The following EIF4G3 variants were observed in gnomAD, a reference collection of about 807,000 sequenced individuals.
EIF4G3 encodes eIF-4-gamma 3.
A neutral mutation model predicts 186.4 loss-of-function variants in EIF4G3; 34 were observed. The ratio of observed to expected loss-of-function variants is 0.18; its 90% CI spans 0.14 to 0.24. The LOEUF (loss-of-function observed/expected upper bound fraction) is 0.24. EIF4G3 is among the 10% of genes least tolerant of loss of function. The pLI is 1.00. For synonymous variants in EIF4G3, 673 were observed against 679.5 expected (o/e 0.99, Z 0.15); for missense variants, 1,536 against 1,948.5 (o/e 0.79, Z 3.99).
intron 33 of EIF4G3, among the ~76,000 whole-genome samples, chr1:20,818,374 C>T (rs1424347033): frequency 1.3e-5 from 2 of 152,182 alleles, no homozygotes; most frequent in African/African-American, 4.8e-5. Flanking sequence ...CGCAGTGGCT[C>T]ACACCAGTAA....
At chr1:21,140,777 C>G (rs2097324004) in intron 2 of EIF4G3, among the ~76,000 whole-genome samples, 1 of 152,148 alleles carries the variant, frequency 6.6e-6, no homozygotes. Context: ...GAATGAAAAG[C>G]AGTTAATTAC....
chr1:20,977,750 C>T (rs995821647), intron 10 of EIF4G3, among the ~76,000 whole-genome samples: 4 of 152,060 alleles, frequency 2.6e-5, no homozygotes, highest in African/African-American at 7.2e-5. Context: ...TGGTATATAT[C>T]TAATAGAAAT....
intron 2 of EIF4G3, among the ~76,000 whole-genome samples, chr1:21,102,294 T>C (rs1324510469): frequency 6.6e-6 from 1 of 152,114 alleles, no homozygotes; most frequent in African/African-American, 2.4e-5. Flanking sequence ...CCATTAAAAA[T>C]ACAAAAATTA....
At chr1:21,024,738 G>A (rs1402119485) in intron 4 of EIF4G3, among the ~76,000 whole-genome samples, 1 of 149,372 alleles carries the variant, frequency 6.7e-6, no homozygotes, top group Non-Finnish European at 1.5e-5. Flanking sequence ...CAAGTAATCA[G>A]GGACACAAAC....
chr1:20,981,674 GTA>G lies in EIF4G3; in HGVS notation c.199-449_199-448del, dbSNP rs1264168958. ...ATACATACATGTATACGCACATACT[GTA>G]TGTATACATACATGTATACGCACAT... On this transcript the variant is annotated intron_variant, in intron 8 of 36. Transcript: ENST00000602326. Among the ~76,000 whole-genome samples, 169 of 126,172 alleles carry G rather than the reference GTA, an allele frequency of 1.3e-3. 1 individual carries two copies. Among genetic ancestry groups the G allele is most frequent in the Middle Eastern group, 4.7e-3 (1 of 212 alleles). 82.8% of individuals were successfully genotyped at this position (126,172 alleles called of 152,430 possible).
intron 2 of EIF4G3, among the ~76,000 whole-genome samples, chr1:21,118,931 TAAAA>T (rs35040627): frequency 5.8e-5 from 5 of 86,166 alleles, no homozygotes; most frequent in Non-Finnish European, 8.6e-5. Context: ...CAAGCTCTAT[TAAAA>T]AAAAAAAAAA....
chr1:20,968,478 G>C (rs1018093197), intron 12 of EIF4G3, among the ~76,000 whole-genome samples: 1 of 152,114 alleles, frequency 6.6e-6, no homozygotes, highest in Non-Finnish European at 1.5e-5. Context: ...AACGCGCCCG[G>C]CCTTGAAATA....
chr1:21,132,476 C>T lies in EIF4G3; in HGVS notation c.-271-43263G>A, dbSNP rs538345021. 3.9e-5 allele frequency among the ~76,000 whole-genome samples: 6 copies of T among 152,328 alleles called. No homozygotes were observed. The South Asian group carries it at 1.2e-3, about 32-fold the overall frequency. On this transcript the variant is annotated intron_variant, in intron 2 of 36. Coordinates refer to ENST00000602326, the MANE Select transcript of EIF4G3 (RefSeq NM_001391906.1). ...TATTTGTTTTTGAAACAGAGTCTTG[C>T]TCTGTCACCCAGGCTAGAGTGCAGT...
At chr1:20,845,872 G>C (rs910571774) in intron 29 of EIF4G3, among the ~76,000 whole-genome samples, 1 of 152,052 alleles carries the variant, frequency 6.6e-6, no homozygotes, top group Non-Finnish European at 1.5e-5. Flanking sequence ...GAATAGCACT[G>C]AATCTATAAA....
chr1:20,811,118 T>A (rs550152589), intron 35 of EIF4G3, among the ~76,000 whole-genome samples: 1 of 151,474 alleles, frequency 6.6e-6, no homozygotes, highest in South Asian at 2.1e-4. Context: ...CCTGACTAAT[T>A]TTTTTGTGTA....
Position 20,851,299 on chromosome 1 carries a change from C to T in EIF4G3, c.3731G>A (p.Arg1244Lys). 6.2e-7 allele frequency: 1 copy of T among 1,614,206 alleles called. No homozygotes were observed. The highest frequency in any genetic ancestry group is 8.5e-7 in the Non-Finnish European group (1 of 1,180,050). ...ATTTCGCTCAGCCTCAGTGCTGTTC[C>T]TCTCCACATCCACACCTCCTGTGAG... ...KQLTGGVDVERNSTEAERNKT... is the reference protein window; with the variant it reads ...KQLTGGVDVEKNSTEAERNKT... The change falls in exon 28 of 37, where the codon AGG becomes AAG. Residue 1244 changes from arginine (R) to lysine (K), a missense_variant. Arg to Lys is a conservative substitution (Grantham distance 26). Coordinates refer to ENST00000602326, the MANE Select transcript of EIF4G3 (RefSeq NM_001391906.1).
chr1:21,160,912 T>C (rs2102942109), intron 2 of EIF4G3, among the ~76,000 whole-genome samples: 1 of 152,324 alleles, frequency 6.6e-6, no homozygotes, highest in South Asian at 2.1e-4. Context: ...TTCTTAGGCC[T>C]GTAATCCCAA....
At chr1:21,093,901 C>G (rs922613573) in intron 2 of EIF4G3, among the ~76,000 whole-genome samples, 2 of 151,938 alleles carry the variant, frequency 1.3e-5, no homozygotes, top group Non-Finnish European at 2.9e-5. Flanking sequence ...GGGAATTGAA[C>G]AGTGAGAACA....
At chr1:20,929,301 G>A (rs1216601876) in intron 14 of EIF4G3, 1 of 152,172 alleles carries the variant, frequency 6.6e-6, no homozygotes, top group African/African-American at 2.4e-5. Flanking sequence ...GTTCTAAGGA[G>A]GCCTTCTCCT....
chr1:20,887,230 T>C (rs2084484418), intron 18 of EIF4G3, among the ~76,000 whole-genome samples: 1 of 152,114 alleles, frequency 6.6e-6, no homozygotes, highest in Admixed American at 6.6e-5. Flanking sequence ...TTTTTTTTTT[T>C]TTCTTTCTGA....
chr1:21,096,789 G>C (rs1047760735), intron 2 of EIF4G3, among the ~76,000 whole-genome samples: 1 of 152,174 alleles, frequency 6.6e-6, no homozygotes, highest in Non-Finnish European at 1.5e-5. Flanking sequence ...ACTACTGGCT[G>C]AAAGTTTTTA....
rs143948460 is a variant in EIF4G3, at chr1:21,000,593, CA to C, written c.144+605del. ...AGACCCCAACTTCACCCTCCCAGCA[CA>C]AAAAAAAAACAAAAAACAAAAACAA... On this transcript the variant is annotated intron_variant, in intron 6 of 36. Transcript: ENST00000602326. Among the ~76,000 whole-genome samples the C allele has an allele frequency of 8.3e-3, 1,051 of 126,246 alleles. 17 individuals carry two copies. The highest frequency in any genetic ancestry group is 0.028 in the African/African-American group (965 of 34,344). The allele number at this position is 126,246 out of a possible 152,430, so 82.8% of individuals were successfully genotyped here.
intron 2 of EIF4G3, among the ~76,000 whole-genome samples, chr1:21,157,302 CACTG>C (rs2097679299): frequency 6.6e-6 from 1 of 152,104 alleles, no homozygotes; most frequent in African/African-American, 2.4e-5. Context: ...CCCTAGTCCT[CACTG>C]ACTTTCAAGG....
rs1193601902 is a variant in EIF4G3, at chr1:21,173,137, C to CAAAAAA, written c.-272+3032_-272+3037dup. Among the ~76,000 whole-genome samples, 24 of 29,184 alleles carry CAAAAAA rather than the reference C, an allele frequency of 8.2e-4. 1 individual carries two copies. The highest frequency in any genetic ancestry group is 1.8e-3 in the Admixed American group (3 of 1,640). 19.1% of individuals were successfully genotyped at this position (29,184 alleles called of 152,430 possible). On this transcript the variant is annotated intron_variant, in intron 2 of 36. Coordinates refer to ENST00000602326, the MANE Select transcript of EIF4G3 (RefSeq NM_001391906.1). ...CTGGCAACAGAGCGAGACTCAATCT[C>CAAAAAA]AAAAAAAAAAAAAAAAAAAAAAAAA...
Sources: allele counts gnomAD v4.1 joint callset (sites outside exome capture counted in the v4.1 genomes callset), GRCh38; gene constraint gnomAD v4.1.1; transcripts MANE v1.5; gene names NCBI Gene and HGNC (gene_info 2026-07-23, HGNC 2026-07-21).